Variants in TTC7A observed in about 807,000 individuals in gnomAD.
The protein encoded by TTC7A is tetratricopeptide repeat domain 7A.
TTC7A carries 110 observed loss-of-function variants against 103.7 expected under a neutral mutation model. That is an observed-to-expected ratio of 1.06 (90% confidence interval 0.91 to 1.24). The LOEUF is 1.24. Among genes scored for constraint, TTC7A ranks in the 50% most tolerant of loss-of-function variants. TTC7A has a pLI of 0.00. For missense variants in TTC7A, 1,340 were observed against 1,116.3 expected, an observed-to-expected ratio of 1.20 and a Z score of -2.86; for synonymous variants, 521 against 467.9, an observed-to-expected ratio of 1.11 and a Z score of -1.47.
At chr2:46,980,637 C>T (rs972162456) in intron 5 of TTC7A, among the ~76,000 whole-genome samples, 12 of 152,178 alleles carry the variant, frequency 7.9e-5, no homozygotes, top group Non-Finnish European at 5.9e-5. Context: ...TGATGCTAAC[C>T]GTCAGGCTTG....
At chr2:47,002,927 G>T (rs1676982449) in intron 8 of TTC7A, among the ~76,000 whole-genome samples, 1 of 152,150 alleles carries the variant, frequency 6.6e-6, no homozygotes, top group African/African-American at 2.4e-5. Flanking sequence ...AGGACCCCCA[G>T]GGAGCCTTCC....
chr2:47,021,538 C>T (rs1679269967), intron 11 of TTC7A, among the ~76,000 whole-genome samples: 2 of 152,338 alleles, frequency 1.3e-5, no homozygotes, highest in African/African-American at 4.8e-5. Flanking sequence ...GCACATGTTC[C>T]TGAGGCCCAG....
rs143333597 is a variant in TTC7A, at chr2:47,011,884, C to T, written c.1392+449C>T. ...GTTGGTCTTTTCTGTCAGCCCCTCT[C>T]CTTCCTCTTGGCTCCAGCCCTCCAG... is the stretch of plus-strand genomic sequence containing the variant. On this transcript the variant is annotated intron_variant, in intron 11 of 19. Transcript: ENST00000319190. Among the ~76,000 whole-genome samples, 81 of 152,376 alleles carry T rather than the reference C, an allele frequency of 5.3e-4. 2 individuals are homozygous for T. In the South Asian group the frequency reaches 0.013, roughly 24 times the overall value.
At chr2:47,030,075 C>G (rs1483389528) in intron 15 of TTC7A, among the ~76,000 whole-genome samples, 1 of 152,202 alleles carries the variant, frequency 6.6e-6, no homozygotes, top group Non-Finnish European at 1.5e-5. Context: ...GCAGGTGACA[C>G]TGAGTGTAAC....
intron 4 of TTC7A, among the ~76,000 whole-genome samples, chr2:46,976,751 C>T (rs1198921000): frequency 6.6e-6 from 1 of 152,216 alleles, no homozygotes; most frequent in Non-Finnish European, 1.5e-5. Flanking sequence ...TAGCACTATC[C>T]CCCTTGTTGT....
intron 14 of TTC7A, among the ~76,000 whole-genome samples, chr2:47,028,574 C>A (rs1195964486): frequency 6.6e-6 from 1 of 152,186 alleles, no homozygotes; most frequent in East Asian, 1.9e-4. Context: ...TCTGGTCTCC[C>A]CACCACATGG....
intron 15 of TTC7A, among the ~76,000 whole-genome samples, chr2:47,031,934 C>A (rs987915447): frequency 5.9e-5 from 9 of 152,258 alleles, no homozygotes; most frequent in Admixed American, 1.3e-4. Context: ...CCTTGACTCT[C>A]ACCCCAGGGG....
intron 3 of TTC7A, among the ~76,000 whole-genome samples, chr2:46,957,651 T>G (rs1671999471): frequency 6.6e-6 from 1 of 152,170 alleles, no homozygotes; most frequent in Admixed American, 6.5e-5. Flanking sequence ...ATGAGGGGGC[T>G]GTGGACAGCC....
At chr2:46,988,593 C>G (rs1675289935) in intron 5 of TTC7A, among the ~76,000 whole-genome samples, 1 of 152,242 alleles carries the variant, frequency 6.6e-6, no homozygotes, top group Admixed American at 6.5e-5. Context: ...CAAACCCAGT[C>G]TTCCCCAAAT....
chr2:46,918,430 G>A (rs765719235), intron 2 of TTC7A, among the ~76,000 whole-genome samples: 26 of 152,168 alleles, frequency 1.7e-4, no homozygotes, highest in Non-Finnish European at 3.4e-4. Context: ...CTAACTGACC[G>A]TCCTGCTTCC....
intron 5 of TTC7A, among the ~76,000 whole-genome samples, chr2:46,981,798 G>T (rs1468747778): frequency 2.0e-5 from 3 of 152,248 alleles, no homozygotes; most frequent in Admixed American, 6.5e-5. Context: ...CAATGGAGCT[G>T]CTTATCAGTA....
intron 2 of TTC7A, among the ~76,000 whole-genome samples, chr2:46,920,216 A>G (rs1446500): frequency 0.12 from 18,253 of 152,136 alleles, 2,184 homozygotes; most frequent in African/African-American, 0.31. Flanking sequence ...TATGTATTAA[A>G]TCACATAAAT....
chr2:46,968,830 C>T (rs1224872829), intron 3 of TTC7A, among the ~76,000 whole-genome samples: 1 of 152,038 alleles, frequency 6.6e-6, no homozygotes, highest in Non-Finnish European at 1.5e-5. Flanking sequence ...TCCATGTGAC[C>T]AGTACCCTAA....
chr2:47,059,634 T>C (rs1161848688), intron 18 of TTC7A, among the ~76,000 whole-genome samples: 1 of 152,130 alleles, frequency 6.6e-6, no homozygotes, highest in Non-Finnish European at 1.5e-5. Flanking sequence ...CTGGTCTGCT[T>C]CCATCCCCTT....
chr2:46,958,431 G>A (rs1260820942), intron 3 of TTC7A: 11 of 1,252,324 alleles, frequency 8.8e-6, no homozygotes, highest in Non-Finnish European at 1.1e-5. Context: ...TCCTTTCCGG[G>A]ACTTTCTCCT....
rs78237514 is a variant in TTC7A at position 46,918,645 on chromosome 2, A to G, written c.82+1368A>G. Among the ~76,000 whole-genome samples, 573 of 152,368 alleles carry G rather than the reference A, an allele frequency of 3.8e-3. 1 individual carries two copies. The highest frequency in any genetic ancestry group is 5.7e-3 in the Non-Finnish European group (387 of 68,042). On this transcript the variant is annotated intron_variant, in intron 2 of 20. Coordinates refer to the TTC7A transcript ENST00000409245. ...GCCAGTGTTAAAAGACTGTATGTCAAACTGGAAAGTTGGTGACCCTTATAA... is the reference window on the plus strand; with the variant it reads ...GCCAGTGTTAAAAGACTGTATGTCAGACTGGAAAGTTGGTGACCCTTATAA...
chr2:47,011,527 C>A, intron 11 of TTC7A, 92 bp downstream of exon 11: 1 of 1,004,360 alleles, frequency 1.0e-6, no homozygotes. Flanking sequence ...TGTGTGGGTG[C>A]ATGCCGAAGG....
intron 18 of TTC7A, among the ~76,000 whole-genome samples, chr2:47,059,516 C>A (rs1683597169): frequency 6.6e-6 from 1 of 152,080 alleles, no homozygotes; most frequent in African/African-American, 2.4e-5. Context: ...TCTCCCTCAT[C>A]CTCCCACCCC....
In TTC7A at chr2:46,968,680, C is replaced by G. The variant is rs901984483; in HGVS notation, c.518-6293C>G. ...GGACCGCCTCCGTGAATGTACCCCT[C>G]TACTTTGAACTTTTATTTCTCTGAA... On this transcript the variant is annotated intron_variant, in intron 3 of 19. Transcript: ENST00000319190. Among the ~76,000 whole-genome samples, 3 of 152,186 alleles carry G rather than the reference C, an allele frequency of 2.0e-5. No individual in the cohort carries two copies. The East Asian group carries it at 5.8e-4, about 29-fold the overall frequency.
Sources: allele counts gnomAD v4.1 joint callset (sites outside exome capture counted in the v4.1 genomes callset), GRCh38; gene constraint gnomAD v4.1.1; transcripts MANE v1.5; gene names NCBI Gene and HGNC (gene_info 2026-07-23, HGNC 2026-07-21).